The following RTL4 variants were observed in gnomAD, a reference collection of about 807,000 sequenced individuals.
RTL4 encodes retrotransposon Gag like 4.
Under a neutral mutation model 5.3 loss-of-function variants are expected in RTL4, and 4 were observed. That is an observed-to-expected ratio of 0.75 (90% CI 0.37 to 1.72). The LOEUF (loss-of-function observed/expected upper bound fraction) is 1.72. Among genes scored for constraint, RTL4 ranks in the 40% most tolerant of loss-of-function variants. The pLI, the probability that RTL4 is intolerant of heterozygous loss-of-function variation, is 0.04. For synonymous variants in RTL4, 98 were observed against 87.3 expected (o/e 1.12, Z -0.68); for missense variants, 260 against 227.1 (o/e 1.14, Z -0.93).
the RTL4 span, among the ~76,000 whole-genome samples, chrX:112,122,685 A>C: frequency 9.0e-6 from 1 of 111,319 alleles, no homozygotes; most frequent in East Asian, 2.8e-4. Context: ...CCAGAAGAGT[A>C]AGACAAGGTA....
the RTL4 span, among the ~76,000 whole-genome samples, chrX:112,344,483 G>C: frequency 1.8e-5 from 2 of 111,372 alleles, no homozygotes; most frequent in African/African-American, 6.5e-5. Context: ...TGCATGGCAG[G>C]AGCAAAAGGA....
chrX:112,319,345 C>T, the RTL4 span, among the ~76,000 whole-genome samples: 1 of 111,432 alleles, frequency 9.0e-6, no homozygotes, highest in African/African-American at 3.3e-5. Flanking sequence ...AATGGAAAGG[C>T]CATTCAAAAT....
At chrX:112,300,893 CA>C in the RTL4 span, among the ~76,000 whole-genome samples, 1 of 111,283 alleles carries the variant, frequency 9.0e-6, no homozygotes, top group African/African-American at 3.3e-5. Flanking sequence ...GCAGGGAAGA[CA>C]ATTACACTAA....
At chrX:112,148,063 A>G in the RTL4 span, among the ~76,000 whole-genome samples, 1 of 111,409 alleles carries the variant, frequency 9.0e-6, no homozygotes, top group African/African-American at 3.3e-5. Flanking sequence ...GGACCTGGTC[A>G]GCCAACATAC....
At chrX:112,229,678 C>T in the RTL4 span, among the ~76,000 whole-genome samples, 2 of 112,011 alleles carry the variant, frequency 1.8e-5, no homozygotes. Flanking sequence ...CAAAAAATCT[C>T]ATAATTGATG....
At chrX:112,186,093 C>T in the RTL4 span, among the ~76,000 whole-genome samples, 1 of 111,295 alleles carries the variant, frequency 9.0e-6, no homozygotes. Context: ...AAGCTGTCAC[C>T]CTTCAGCACT....
the RTL4 span, among the ~76,000 whole-genome samples, chrX:112,264,841 G>A: frequency 8.9e-6 from 1 of 112,147 alleles, no homozygotes; most frequent in African/African-American, 3.2e-5. Context: ...CTTTGGACTT[G>A]GTGTCTAAGA....
chrX:112,255,642 G>A, the RTL4 span, among the ~76,000 whole-genome samples: 8 of 111,539 alleles, frequency 7.2e-5, no homozygotes, highest in East Asian at 2.2e-3. Flanking sequence ...TCAATACTGG[G>A]CCCAAACTTG....
the RTL4 span, among the ~76,000 whole-genome samples, chrX:112,095,614 G>T: frequency 9.0e-6 from 1 of 111,322 alleles, no homozygotes; most frequent in African/African-American, 3.3e-5. Context: ...TATACAGGTG[G>T]TCCCAATGAG....
At chrX:112,297,742 C>G in the RTL4 span, among the ~76,000 whole-genome samples, 270 of 111,729 alleles carry the variant, frequency 2.4e-3, no homozygotes, top group African/African-American at 8.4e-3. Context: ...CAAACAGTGG[C>G]TCTCAACCGC....
chrX:112,114,519 G>T, the RTL4 span, among the ~76,000 whole-genome samples: 2 of 111,761 alleles, frequency 1.8e-5, no homozygotes. Flanking sequence ...TACCTATCAG[G>T]ATTGTCTGAA....
At chrX:112,352,300 C>T in the RTL4 span, among the ~76,000 whole-genome samples, 201 of 110,463 alleles carry the variant, frequency 1.8e-3, no homozygotes, top group African/African-American at 6.1e-3. Flanking sequence ...AAGCTACCAA[C>T]GACTTTCTTC....
At chrX:112,289,773 A>ATG in the RTL4 span, among the ~76,000 whole-genome samples, 23,507 of 105,863 alleles carry the variant, frequency 0.22, 2,441 homozygotes, top group African/African-American at 0.39. Context: ...TGTATAATAT[A>ATG]TGTGTGTGTG....
chrX:112,323,785 C>T, the RTL4 span, among the ~76,000 whole-genome samples: 1 of 112,208 alleles, frequency 8.9e-6, no homozygotes, highest in African/African-American at 3.2e-5. Context: ...CCACCATGGC[C>T]AGGCTTGAAT....
At chrX:112,254,272 T>A in the RTL4 span, among the ~76,000 whole-genome samples, 2 of 111,260 alleles carry the variant, frequency 1.8e-5, no homozygotes, top group Non-Finnish European at 3.8e-5. Flanking sequence ...ATTGCAGAGA[T>A]CATAGTCTTC....
chrX:112,115,633 C>G, the RTL4 span, among the ~76,000 whole-genome samples: 1 of 111,659 alleles, frequency 9.0e-6, no homozygotes, highest in African/African-American at 3.3e-5. Context: ...CAGATAGTAA[C>G]CCTGCCCCCA....
the RTL4 span, among the ~76,000 whole-genome samples, chrX:112,303,863 T>A: frequency 0.045 from 4,986 of 110,759 alleles, 280 homozygotes; most frequent in African/African-American, 0.16. Context: ...TCTCTATTAC[T>A]TTTTATATTT....
the RTL4 span, among the ~76,000 whole-genome samples, chrX:112,172,342 C>T: frequency 9.0e-6 from 1 of 110,843 alleles, no homozygotes; most frequent in Non-Finnish European, 1.9e-5. Flanking sequence ...TGGGCAAAGG[C>T]CATGAACAGA....
At chrX:112,109,195 A>G in the RTL4 span, among the ~76,000 whole-genome samples, 1 of 111,916 alleles carries the variant, frequency 8.9e-6, no homozygotes, top group Non-Finnish European at 1.9e-5. Flanking sequence ...GTTCAAATTA[A>G]TGCTTCTGTG....
Sources: gnomAD v4.1 joint callset for allele counts (sites outside exome capture counted in the v4.1 genomes callset) on GRCh38, gnomAD v4.1.1 for gene constraint, MANE v1.5 for transcripts, NCBI Gene and HGNC (gene_info 2026-07-23, HGNC 2026-07-21) for gene names.